ZMIZ1: variants seen among roughly 807,000 people sequenced by gnomAD.
ZMIZ1 encodes zinc finger MIZ domain-containing protein 1.
A neutral mutation model predicts 113.9 loss-of-function variants in ZMIZ1; 17 were observed. That is an observed-to-expected ratio of 0.15 (90% CI 0.10 to 0.22). The LOEUF is 0.22. ZMIZ1 is among the 10% of genes least tolerant of loss of function. The pLI is 1.00. For missense variants in ZMIZ1, 1,059 were observed against 1,477.8 expected (o/e 0.72, Z 4.65); for synonymous variants, 607 against 603.1 (o/e 1.01, Z -0.09).
intron 1 of ZMIZ1, among the ~76,000 whole-genome samples, chr10:79,116,087 C>A (rs897833345): frequency 3.3e-5 from 5 of 151,902 alleles, no homozygotes; most frequent in African/African-American, 4.8e-5. Flanking sequence ...GGAGTATAAT[C>A]CCCCCGTAAG....
intron 1 of ZMIZ1, among the ~76,000 whole-genome samples, chr10:79,101,268 T>C (rs1843355072): frequency 6.6e-6 from 1 of 152,190 alleles, no homozygotes; most frequent in South Asian, 2.1e-4. Context: ...GAGCTCACTG[T>C]GCTGGTGAAG....
At chr10:79,275,156 G>T (rs1250541) in intron 7 of ZMIZ1, among the ~76,000 whole-genome samples, 1 of 152,116 alleles carries the variant, frequency 6.6e-6, no homozygotes, top group Non-Finnish European at 1.5e-5. Context: ...TCGTTTTTGT[G>T]TGTCCTGGCC....
chr10:79,191,604 C>T (rs1159582777), intron 4 of ZMIZ1, among the ~76,000 whole-genome samples: 1 of 152,224 alleles, frequency 6.6e-6, no homozygotes, highest in African/African-American at 2.4e-5. Context: ...TCCCTATCTT[C>T]ACCATCCTCA....
chr10:79,301,610 C>T (rs796564555), intron 17 of ZMIZ1, among the ~76,000 whole-genome samples: 19 of 152,240 alleles, frequency 1.2e-4, no homozygotes, highest in African/African-American at 4.3e-4. Flanking sequence ...CTTAGGGGCA[C>T]GGAGGCTACA....
intron 4 of ZMIZ1, among the ~76,000 whole-genome samples, chr10:79,181,595 T>C (rs1169429206): frequency 6.6e-6 from 1 of 152,186 alleles, no homozygotes; most frequent in African/African-American, 2.4e-5. Context: ...ATTGTGCTTA[T>C]AGCTCCCCAA....
At chr10:79,141,110 G>C (rs1845242703) in intron 3 of ZMIZ1, among the ~76,000 whole-genome samples, 2 of 152,212 alleles carry the variant, frequency 1.3e-5, no homozygotes, top group South Asian at 4.1e-4. Flanking sequence ...CTCAAAGCCT[G>C]TGTGGTGACC....
At chr10:79,163,544 C>T (rs1167552632) in intron 4 of ZMIZ1, among the ~76,000 whole-genome samples, 2 of 152,242 alleles carry the variant, frequency 1.3e-5, no homozygotes, top group Admixed American at 6.5e-5. Flanking sequence ...CTTTTTACCC[C>T]CACAAGAATC....
intron 4 of ZMIZ1, among the ~76,000 whole-genome samples, chr10:79,172,669 G>A (rs930164525): frequency 6.6e-6 from 1 of 152,168 alleles, no homozygotes; most frequent in African/African-American, 2.4e-5. Flanking sequence ...AACCTAAGGA[G>A]CATCCCATCC....
intron 7 of ZMIZ1, among the ~76,000 whole-genome samples, chr10:79,226,328 G>C (rs1849199250): frequency 6.6e-6 from 1 of 152,088 alleles, no homozygotes; most frequent in Admixed American, 6.5e-5. Context: ...GTGCTCCCGA[G>C]GAGCTGGAAC....
At chr10:79,276,250 A>G (rs1250540) in intron 7 of ZMIZ1, among the ~76,000 whole-genome samples, 48,542 of 152,158 alleles carry the variant, frequency 0.32, 8,242 homozygotes, top group East Asian at 0.46. Flanking sequence ...GACTGAGCGC[A>G]GCCAGTTCCC....
chr10:79,203,989 C>T (rs1420128763), intron 5 of ZMIZ1, among the ~76,000 whole-genome samples: 4 of 152,196 alleles, frequency 2.6e-5, no homozygotes, highest in Non-Finnish European at 2.9e-5. Context: ...GAGCTCCCTA[C>T]GTGCTCCATG....
At chr10:79,103,301 G>A (rs546623293) in intron 1 of ZMIZ1, among the ~76,000 whole-genome samples, 1 of 152,246 alleles carries the variant, frequency 6.6e-6, no homozygotes, top group African/African-American at 2.4e-5. Context: ...TGCCTGGGGT[G>A]GGGGGCTGTA....
At position 79,118,837 on chromosome 10, in the gene ZMIZ1, G is replaced by A. The variant is rs1417542877; in HGVS notation, c.-336-78G>A. On this transcript the variant is annotated intron_variant, in intron 1 of 24. Coordinates refer to ENST00000334512, the MANE Select transcript of ZMIZ1 (RefSeq NM_020338.4). The surrounding 1 kb of genome is among the most constrained non-coding windows in gnomAD (Gnocchi z 4.1). ...TCCAGGAGATGGCAGCCAGGACCTA[G>A]AGGTCCATGACGTGGGTGAGGGGCT... is the stretch of plus-strand genomic sequence containing the variant. 1 of 152,380 alleles carries A rather than the reference G, an allele frequency of 6.6e-6. No individual in the cohort carries two copies. Among genetic ancestry groups the A allele is most frequent in the African/African-American group, 2.4e-5 (1 of 41,474 alleles). The allele number at this position is 152,380 out of a possible 1,614,324, so 9.4% of individuals were successfully genotyped here.
intron 2 of ZMIZ1, among the ~76,000 whole-genome samples, chr10:79,124,161 A>G (rs1844417550): frequency 6.6e-6 from 1 of 152,194 alleles, no homozygotes; most frequent in South Asian, 2.1e-4. Flanking sequence ...CTTGTGTTCA[A>G]GCCTCAGTCC....
At chr10:79,153,700 A>G (rs560301334) in intron 3 of ZMIZ1, among the ~76,000 whole-genome samples, 1 of 152,344 alleles carries the variant, frequency 6.6e-6, no homozygotes, top group South Asian at 2.1e-4. Context: ...CCATTGGAGA[A>G]ACTGAGGCAG....
chr10:79,303,455 A>AG (rs1854469292), intron 18 of ZMIZ1, among the ~76,000 whole-genome samples: 1 of 40,168 alleles, frequency 2.5e-5, no homozygotes. Flanking sequence ...ACACTGCCAC[A>AG]AAAAAAAAAA....
At chr10:79,145,959 C>T (rs1845464601) in intron 3 of ZMIZ1, among the ~76,000 whole-genome samples, 1 of 152,242 alleles carries the variant, frequency 6.6e-6, no homozygotes, top group Non-Finnish European at 1.5e-5. Context: ...CCTCCCATCC[C>T]AGCCTCTCAA....
At chr10:79,080,536 T>C (rs1261847648) in intron 1 of ZMIZ1, among the ~76,000 whole-genome samples, 1 of 152,146 alleles carries the variant, frequency 6.6e-6, no homozygotes, top group Non-Finnish European at 1.5e-5. Context: ...CTCGAACTCC[T>C]GACCTCAGGT....
At chr10:79,219,871 A>G (rs950889616) in intron 7 of ZMIZ1, among the ~76,000 whole-genome samples, 1 of 152,072 alleles carries the variant, frequency 6.6e-6, no homozygotes, top group East Asian at 1.9e-4. Context: ...AGCCATGACT[A>G]ACTACCTTTC....
Sources: allele counts gnomAD v4.1 joint callset (sites outside exome capture counted in the v4.1 genomes callset), GRCh38; gene constraint gnomAD v4.1.1; non-coding constraint Gnocchi (gnomAD v3.1); transcripts MANE v1.5; gene names NCBI Gene and HGNC (gene_info 2026-07-23, HGNC 2026-07-21).